Variants in SKI observed in about 807,000 individuals in gnomAD.
The protein encoded by SKI is SKI proto-oncogene, also known as ski oncogene.
SKI carries 23 observed loss-of-function variants against 59.3 expected under a neutral mutation model. That is an observed-to-expected ratio of 0.39 (90% CI 0.28 to 0.55). SKI has a LOEUF of 0.55. Ranked by LOEUF, SKI falls within the 20% of genes least tolerant of loss-of-function variation. SKI has a pLI of 0.67. For missense variants in SKI, 1,017 were observed against 1,038.9 expected (o/e 0.98, Z 0.29); for synonymous variants, 673 against 488.6 (o/e 1.38, Z -4.98).
chr1:2,263,638 T>A (rs1429950030), intron 1 of SKI, among the ~76,000 whole-genome samples: 1 of 152,062 alleles, frequency 6.6e-6, no homozygotes. Context: ...AGAGTAATGT[T>A]CTTGTAGAAT....
At chr1:2,242,503 C>T (rs1216163702) in intron 1 of SKI, among the ~76,000 whole-genome samples, 1 of 152,150 alleles carries the variant, frequency 6.6e-6, no homozygotes, top group African/African-American at 2.4e-5. Flanking sequence ...ATCTCTACCA[C>T]ATTGATGGAA....
chr1:2,285,374 G>GCCCA (rs1640015081), intron 1 of SKI, among the ~76,000 whole-genome samples: 2 of 151,898 alleles, frequency 1.3e-5, no homozygotes, highest in Non-Finnish European at 2.9e-5. Flanking sequence ...AATTAGCTGA[G>GCCCA]CGTGGTGGCG....
intron 1 of SKI, among the ~76,000 whole-genome samples, chr1:2,279,479 C>T (rs1639824344): frequency 6.6e-6 from 1 of 152,226 alleles, no homozygotes; most frequent in African/African-American, 2.4e-5. Context: ...CTCTGGTTCT[C>T]TCAGGCCTCC....
At position 2,288,527 on chromosome 1, in the gene SKI, C is replaced by T. The variant is rs138876791; in HGVS notation, c.970-14451C>T. ...GTCGTCGTTTCCTGTGGGAGTGGCT[C>T]TTTTCAGAGGCAGACAGTTGTCTTT... On this transcript the variant is annotated intron_variant, in intron 1 of 6. Coordinates refer to ENST00000378536, the MANE Select transcript of SKI (RefSeq NM_003036.4). Among the ~76,000 whole-genome samples, 207 of 152,334 alleles carry T rather than the reference C, an allele frequency of 1.4e-3. 1 individual carries two copies. The highest frequency in any genetic ancestry group is 4.8e-3 in the African/African-American group (200 of 41,582).
Position 2,270,201 on chromosome 1 carries a change from G to A in SKI, c.970-32777G>A, listed in dbSNP as rs1162555993. 1.3e-5 allele frequency among the ~76,000 whole-genome samples: 2 copies of A among 152,186 alleles called. No individual in the cohort carries two copies. Among genetic ancestry groups the A allele is most frequent in the Non-Finnish European group, 2.9e-5 (2 of 68,028 alleles). On this transcript the variant is annotated intron_variant, in intron 1 of 6. Coordinates refer to ENST00000378536, the MANE Select transcript of SKI (RefSeq NM_003036.4). This position sits in a 1 kb window ranked among gnomAD's most constrained non-coding sequence, Gnocchi z 4.1. Reference sequence around the variant, plus strand: ...AGAGGGACAGAGGTCATCTGTCTACGAGCTAGAGCAAGGGCAGGTGGGCCC... The same window carrying A: ...AGAGGGACAGAGGTCATCTGTCTACAAGCTAGAGCAAGGGCAGGTGGGCCC...
intron 5 of SKI, 88 bp downstream of exon 5, chr1:2,304,673 T>A (rs1374109175): frequency 1.4e-6 from 2 of 1,464,246 alleles, no homozygotes; most frequent in Non-Finnish European, 1.8e-6. Context: ...TGGTGCCTCC[T>A]CCCTTCCTGG....
chr1:2,285,178 G>C (rs1457066527), intron 1 of SKI, among the ~76,000 whole-genome samples: 3 of 152,032 alleles, frequency 2.0e-5, no homozygotes, highest in African/African-American at 7.2e-5. Flanking sequence ...GACGTCAGCT[G>C]CCTTTTTGAC....
At chr1:2,231,575 C>T (rs1022774301) in intron 1 of SKI, among the ~76,000 whole-genome samples, 5 of 152,306 alleles carry the variant, frequency 3.3e-5, no homozygotes, top group Admixed American at 6.5e-5. Flanking sequence ...GTCATCTCAG[C>T]GGATGCCTCC....
chr1:2,229,174 G>A lies in SKI; in HGVS notation c.408G>A (p.Leu136=). The change falls in exon 1 of 7, where the codon CTG becomes CTA. Residue 136 remains leucine (L), a synonymous_variant. Coordinates refer to ENST00000378536, the MANE Select transcript of SKI (RefSeq NM_003036.4). The surrounding 1 kb of genome is among the most constrained non-coding windows in gnomAD (Gnocchi z 6.3). Reference sequence around the variant, plus strand: ...ACTCGGTGCTGCGCGACTTCTCGCTGCAGCAGATCAACGCGGTGTGCGACG... The same window carrying A: ...ACTCGGTGCTGCGCGACTTCTCGCTACAGCAGATCAACGCGGTGTGCGACG... ...ILNSVLRDFS[L]QQINAVCDEL... The A allele has an allele frequency of 6.2e-7, 1 of 1,611,684 alleles. No homozygotes were observed. The highest frequency in any genetic ancestry group is 8.5e-7 in the Non-Finnish European group (1 of 1,179,578).
At chr1:2,287,652 G>C (rs1472137505) in intron 1 of SKI, among the ~76,000 whole-genome samples, 2 of 152,020 alleles carry the variant, frequency 1.3e-5, no homozygotes, top group Non-Finnish European at 2.9e-5. Flanking sequence ...GGTGGGCTAC[G>C]AGGGTCTGCC....
rs1640714416 is a variant in SKI, at chr1:2,310,115, G to A, written c.*3350G>A. The A allele has an allele frequency of 6.6e-6, 1 of 151,862 alleles. No homozygotes were observed. Among genetic ancestry groups the A allele is most frequent in the Non-Finnish European group, 1.5e-5 (1 of 67,944 alleles). The allele number at this position is 151,862 out of a possible 1,614,324, so 9.4% of individuals were successfully genotyped here. A position where few individuals can be genotyped will look rare whatever the true frequency, so the allele number is the denominator to read the frequency against. On this transcript the variant is annotated 3_prime_UTR_variant, in exon 7 of 7. Transcript: ENST00000378536. ...TGTTTATAAATGCCTGATTTAAAAAGAAAAGAGCTTGGCATATTTATCTAT... is the reference window on the plus strand; with the variant it reads ...TGTTTATAAATGCCTGATTTAAAAAAAAAAGAGCTTGGCATATTTATCTAT...
intron 1 of SKI, among the ~76,000 whole-genome samples, chr1:2,247,624 C>T (rs1285623940): frequency 6.6e-6 from 1 of 152,228 alleles, no homozygotes; most frequent in East Asian, 1.9e-4. Context: ...GTGCAGCCAC[C>T]AGGCAAGAAG....
At chr1:2,266,918 A>G (rs1414719841) in intron 1 of SKI, among the ~76,000 whole-genome samples, 1 of 152,162 alleles carries the variant, frequency 6.6e-6, no homozygotes, top group Non-Finnish European at 1.5e-5. Context: ...ATGGCCCTGG[A>G]GGCCCTCAGG....
intron 1 of SKI, among the ~76,000 whole-genome samples, chr1:2,260,485 G>C (rs1486389881): frequency 6.9e-6 from 1 of 145,740 alleles, no homozygotes; most frequent in Non-Finnish European, 1.5e-5. Context: ...TTTTTGAAGA[G>C]TAGAACTGCA....
chr1:2,259,443 T>A (rs1639337469), intron 1 of SKI, among the ~76,000 whole-genome samples: 1 of 152,172 alleles, frequency 6.6e-6, no homozygotes, highest in Non-Finnish European at 1.5e-5. Context: ...ATGCCACCAG[T>A]TTACCTTTGT....
intron 1 of SKI, among the ~76,000 whole-genome samples, chr1:2,274,668 C>T (rs1389984239): frequency 6.6e-6 from 1 of 152,222 alleles, no homozygotes; most frequent in African/African-American, 2.4e-5. Context: ...GCAGATACTG[C>T]CCCCTGGCCA....
chr1:2,271,977 G>A (rs1306278618), intron 1 of SKI, among the ~76,000 whole-genome samples: 3 of 152,290 alleles, frequency 2.0e-5, no homozygotes, highest in Non-Finnish European at 4.4e-5. Flanking sequence ...CTGCTTTCTC[G>A]CAGCTGTTCT....
At chr1:2,262,650 C>T (rs1639413763) in intron 1 of SKI, among the ~76,000 whole-genome samples, 1 of 152,162 alleles carries the variant, frequency 6.6e-6, no homozygotes, top group Non-Finnish European at 1.5e-5. Context: ...TCGCCAGTGC[C>T]CTTTATGAGT....
chr1:2,299,574 AG>A (rs1640374287), intron 1 of SKI, among the ~76,000 whole-genome samples: 1 of 151,950 alleles, frequency 6.6e-6, no homozygotes, highest in Non-Finnish European at 1.5e-5. Flanking sequence ...GGGGACATGG[AG>A]CGTCTCCTTG....
Sources: gnomAD v4.1 joint callset for allele counts (sites outside exome capture counted in the v4.1 genomes callset) on GRCh38, gnomAD v4.1.1 for gene constraint, Gnocchi (gnomAD v3.1) non-coding constraint, MANE v1.5 for transcripts, NCBI Gene and HGNC (gene_info 2026-07-23, HGNC 2026-07-21) for gene names.